The following TNS3 variants were observed in gnomAD, a reference collection of about 807,000 sequenced individuals.
TNS3 encodes tensin-3.
A neutral mutation model predicts 140.9 loss-of-function variants in TNS3; 45 were observed. The ratio of observed to expected loss-of-function variants is 0.32; its 90% CI spans 0.25 to 0.41. The LOEUF (loss-of-function observed/expected upper bound fraction) is 0.41, where lower values mean the gene tolerates loss of function less well. Ranked by LOEUF, TNS3 falls within the 10% of genes least tolerant of loss-of-function variation. TNS3 has a pLI of 1.00. For missense variants in TNS3, 1,716 were observed against 1,906.7 expected (o/e 0.90, Z 1.86); for synonymous variants, 815 against 788.4 (o/e 1.03, Z -0.56).
In TNS3 at chr7:47,276,107, A is replaced by G. The variant is rs1784858871; in HGVS notation, c.*1969T>C. On this transcript the variant is annotated 3_prime_UTR_variant, in exon 31 of 31. Transcript: ENST00000311160. ...GCAGTGGATGAAAAACCGAGATGCTAGAGGCCTCTGCTAAAGACATCAGGG... is the reference window on the plus strand; with the variant it reads ...GCAGTGGATGAAAAACCGAGATGCTGGAGGCCTCTGCTAAAGACATCAGGG... The G allele has an allele frequency of 1.8e-5, 5 of 274,854 alleles. No homozygotes were observed. Among genetic ancestry groups the G allele is most frequent in the South Asian group, 1.1e-4 (3 of 27,094 alleles). 17.0% of individuals were successfully genotyped at this position (274,854 alleles called of 1,614,324 possible).
intron 1 of TNS3, among the ~76,000 whole-genome samples, chr7:47,552,793 A>T (rs892304782): frequency 5.9e-5 from 9 of 152,220 alleles, no homozygotes; most frequent in African/African-American, 1.9e-4. Flanking sequence ...CACATCTCTT[A>T]AAAGCTAGAA....
intron 20 of TNS3, among the ~76,000 whole-genome samples, chr7:47,343,223 C>A (rs931872066): frequency 2.0e-5 from 3 of 152,182 alleles, no homozygotes; most frequent in Non-Finnish European, 2.9e-5. Context: ...CAGGCTGGGA[C>A]AATCGGGCCA....
Position 47,369,277 on chromosome 7 carries a change from C to G in TNS3, c.1369G>C (p.Val457Leu), listed in dbSNP as rs751534391. Reference sequence around the variant, plus strand: ...TTCACGTGAACCTGGGCTGGCACCACGTGGCGGGTCCCACTGTACTTGCTT... The same window carrying G: ...TTCACGTGAACCTGGGCTGGCACCAGGTGGCGGGTCCCACTGTACTTGCTT... Reference protein sequence around the residue: ...ARSKYSGTRHVVPAQVHVNGD... With the variant: ...ARSKYSGTRHLVPAQVHVNGD... The change falls in exon 17 of 31, where the codon GTG becomes CTG. Residue 457 changes from valine (V) to leucine (L), a missense_variant. Transcript: ENST00000311160. 1.7e-5 allele frequency: 27 copies of G among 1,614,092 alleles called. No homozygotes were observed. The highest frequency in any genetic ancestry group is 2.3e-5 in the Non-Finnish European group (27 of 1,180,054).
intron 16 of TNS3, among the ~76,000 whole-genome samples, chr7:47,380,770 GCA>G (rs371316636): frequency 2.0e-5 from 3 of 150,410 alleles, no homozygotes; most frequent in Non-Finnish European, 3.0e-5. Context: ...GCACGCGCGC[GCA>G]CACACACACA....
intron 2 of TNS3, among the ~76,000 whole-genome samples, chr7:47,515,364 A>G (rs541897646): frequency 3.6e-4 from 55 of 152,194 alleles, no homozygotes; most frequent in East Asian, 1.2e-3. Flanking sequence ...CATCATCACA[A>G]TCGTTACCAT....
At position 47,368,888 on chromosome 7, in the gene TNS3, T is replaced by G; in HGVS notation, c.1758A>C (p.Thr586=). ...MQAYGQSSYS[T]QTWVRQQQMV... is the part of the protein sequence containing the mutation. ...TCTGCTGCTGGCGCACCCAGGTCTG[T>G]GTGGAGTAGCTGCTCTGCCCATAGG... The change falls in exon 17 of 31, where the codon ACA becomes ACC. Residue 586 remains threonine, a synonymous_variant. Coordinates refer to ENST00000311160, the MANE Select transcript of TNS3 (RefSeq NM_022748.12). 1 of 1,613,648 alleles carries G rather than the reference T, an allele frequency of 6.2e-7. No homozygotes were observed. Among genetic ancestry groups the G allele is most frequent in the Non-Finnish European group, 8.5e-7 (1 of 1,179,862 alleles).
intron 2 of TNS3, among the ~76,000 whole-genome samples, chr7:47,522,236 G>A (rs1799007835): frequency 6.6e-6 from 1 of 152,220 alleles, no homozygotes; most frequent in Non-Finnish European, 1.5e-5. Flanking sequence ...CTGTGCATCA[G>A]CAGCCTTTGC....
intron 3 of TNS3, among the ~76,000 whole-genome samples, chr7:47,500,961 G>A (rs908987140): frequency 3.3e-5 from 5 of 152,078 alleles, no homozygotes; most frequent in African/African-American, 1.2e-4. Context: ...GTTGGCACAC[G>A]CCTATAACCC....
At chr7:47,323,939 G>T (rs542403667) in intron 20 of TNS3, among the ~76,000 whole-genome samples, 112 of 152,276 alleles carry the variant, frequency 7.4e-4, no homozygotes, top group African/African-American at 2.6e-3. Flanking sequence ...GAAAAAATCC[G>T]GAAAAACGTA....
At chr7:47,444,609 T>C (rs1447195875) in intron 4 of TNS3, among the ~76,000 whole-genome samples, 2 of 152,148 alleles carry the variant, frequency 1.3e-5, no homozygotes, top group Non-Finnish European at 2.9e-5. Context: ...ATGAGGACTC[T>C]GCTGTCCCTG....
intron 4 of TNS3, among the ~76,000 whole-genome samples, chr7:47,471,317 G>C (rs1232256398): frequency 6.6e-6 from 1 of 152,232 alleles, no homozygotes; most frequent in East Asian, 1.9e-4. Context: ...GCTGGAAACA[G>C]AGGCCGGGGC....
chr7:47,364,855 A>G (rs1403274578), intron 17 of TNS3, among the ~76,000 whole-genome samples: 2 of 152,202 alleles, frequency 1.3e-5, no homozygotes, highest in African/African-American at 4.8e-5. Flanking sequence ...GGGTTCCTAC[A>G]AGAAGGTCAC....
rs144753782 is a variant in TNS3, at chr7:47,470,650, C to T, written c.-76+10453G>A. On this transcript the variant is annotated intron_variant, in intron 4 of 30. Transcript: ENST00000311160. ...AAATGCAGCAACCCTGAACCACAGA[C>T]GCAGGTAATGGTCAGGGCTGATGGG... 548 of 985,442 alleles carry T rather than the reference C, an allele frequency of 5.6e-4. 3 individuals are homozygous for T. In the African/African-American group the frequency reaches 7.1e-3, roughly 13 times the overall value. The allele number at this position is 985,442 out of a possible 1,614,324, so 61.0% of individuals were successfully genotyped here.
chr7:47,365,481 T>C (rs1027435888), intron 17 of TNS3, among the ~76,000 whole-genome samples: 19 of 130,574 alleles, frequency 1.5e-4, no homozygotes, highest in African/African-American at 5.5e-4. Context: ...GTAACGAGTT[T>C]GGCTGGGAGC....
rs369305083 is a variant in TNS3, at chr7:47,346,295, G to C, written c.2343C>G (p.Asp781Glu). ...RLRKLSLGQY[D>E]NDAGGQLPFS... ...AGGGCAGCTGCCCCCCAGCATCGTT[G>C]TCGTACTGCCCCAGGCTCAGCTTCC... Residue 781 changes from aspartate to glutamate, a missense_variant, in exon 18 of 31, where the codon GAC becomes GAG. This residue lies in a region of TNS3 where 1,163 missense variants were observed against 1,182.1 expected (regional missense o/e 0.98). Coordinates refer to ENST00000311160, the MANE Select transcript of TNS3 (RefSeq NM_022748.12). The C allele has an allele frequency of 6.2e-6, 10 of 1,614,116 alleles. No homozygotes were observed. The highest frequency in any genetic ancestry group is 8.5e-6 in the Non-Finnish European group (10 of 1,180,054).
intron 17 of TNS3, among the ~76,000 whole-genome samples, chr7:47,351,177 C>T (rs1331375009): frequency 6.6e-6 from 1 of 152,196 alleles, no homozygotes; most frequent in African/African-American, 2.4e-5. Context: ...TTCCCTAAAT[C>T]CCGTTCTAAT....
At chr7:47,323,578 C>T (rs1380129199) in intron 20 of TNS3, among the ~76,000 whole-genome samples, 4 of 152,226 alleles carry the variant, frequency 2.6e-5, no homozygotes, top group Non-Finnish European at 4.4e-5. Flanking sequence ...CCATTCTTCT[C>T]ATGAGTTTCT....
At chr7:47,468,709 ATCATTCT>A (rs1193392354) in intron 4 of TNS3, among the ~76,000 whole-genome samples, 1 of 152,230 alleles carries the variant, frequency 6.6e-6, no homozygotes, top group African/African-American at 2.4e-5. Flanking sequence ...AACTACTGAC[ATCATTCT>A]TCACAGAATC....
At chr7:47,509,027 T>C (rs1460642088) in intron 2 of TNS3, among the ~76,000 whole-genome samples, 1 of 152,192 alleles carries the variant, frequency 6.6e-6, no homozygotes, top group Non-Finnish European at 1.5e-5. Context: ...TCCTGATCAC[T>C]GACACAGTGG....
Sources: allele counts gnomAD v4.1 joint callset (sites outside exome capture counted in the v4.1 genomes callset), GRCh38; gene constraint gnomAD v4.1.1; regional missense constraint gnomAD v4.1.1; transcripts MANE v1.5; gene names NCBI Gene and HGNC (gene_info 2026-07-23, HGNC 2026-07-21).